BMP8B: variants seen among roughly 807,000 people sequenced by gnomAD.
BMP8B encodes the protein bone morphogenetic protein 8 (osteogenic protein 2).
Under a neutral mutation model 30.3 loss-of-function variants are expected in BMP8B, and 17 were observed. The observed-to-expected ratio is 0.56, with a 90% CI of 0.38 to 0.84. BMP8B has a LOEUF of 0.84. Ranked by LOEUF, BMP8B falls within the 40% of genes least tolerant of loss-of-function variation. The pLI is 0.00. For missense variants in BMP8B, 253 were observed against 494.6 expected (o/e 0.51, Z 4.63); for synonymous variants, 131 against 214.7 (o/e 0.61, Z 3.41).
In BMP8B at chr1:39,758,935, G is replaced by T. The variant is rs1648582186; in HGVS notation, c.*1484C>A. On this transcript the variant is annotated 3_prime_UTR_variant, in exon 7 of 7. Coordinates refer to ENST00000372827, the MANE Select transcript of BMP8B (RefSeq NM_001720.5). ...AGCTTTCCCCAGGCCCCTCCCTGGG[G>T]GTGCAGCACGTGAACTCCAGAGAGG... The T allele has an allele frequency of 1.3e-5, 2 of 152,276 alleles. No individual in the cohort carries two copies. Among genetic ancestry groups the T allele is most frequent in the Admixed American group, 6.5e-5 (1 of 15,294 alleles). 9.4% of individuals were successfully genotyped at this position (152,276 alleles called of 1,614,324 possible).
intron 1 of BMP8B, among the ~76,000 whole-genome samples, chr1:39,776,800 T>C (rs1650267399): frequency 6.6e-6 from 1 of 152,242 alleles, no homozygotes; most frequent in South Asian, 2.1e-4. Context: ...AGAAATAAAT[T>C]TATTCAGTTC....
intron 1 of BMP8B, among the ~76,000 whole-genome samples, chr1:39,776,163 G>C (rs1650215016): frequency 6.6e-6 from 1 of 152,244 alleles, no homozygotes; most frequent in Non-Finnish European, 1.5e-5. Context: ...GGTGAGGGTA[G>C]AGGCCAGGCT....
intron 1 of BMP8B, among the ~76,000 whole-genome samples, chr1:39,777,903 G>A (rs530539404): frequency 2.7e-4 from 41 of 152,246 alleles, no homozygotes; most frequent in Middle Eastern, 6.8e-3. Context: ...GGGTGGCCCC[G>A]TCCCTCTCAG....
intron 3 of BMP8B, chr1:39,769,713 C>T (rs1649813930): frequency 6.2e-7 from 1 of 1,609,286 alleles, no homozygotes; most frequent in Non-Finnish European, 8.5e-7. Context: ...CAGGGTGCCA[C>T]CTGCTGCATG....
rs528129366 is a variant in BMP8B, at chr1:39,777,582, C to G, written c.335-2544G>C. Reference sequence around the variant, plus strand: ...ATGCCAAACTCTGCGACCCTCAGCCCAACATCAACAAGGGCTCTGGCTATT... The same window carrying G: ...ATGCCAAACTCTGCGACCCTCAGCCGAACATCAACAAGGGCTCTGGCTATT... On this transcript the variant is annotated intron_variant, in intron 1 of 6. Transcript: ENST00000372827. Among the ~76,000 whole-genome samples, 106 of 152,354 alleles carry G rather than the reference C, an allele frequency of 7.0e-4. 1 individual carries two copies. Among genetic ancestry groups the G allele is most frequent in the African/African-American group, 2.5e-3 (103 of 41,582 alleles).
At chr1:39,770,808 C>T (rs1334229975) in intron 3 of BMP8B, 1 of 799,976 alleles carries the variant, frequency 1.3e-6, no homozygotes, top group Non-Finnish European at 1.8e-6. Context: ...GGCACCCCGG[C>T]GCCCCCCGCG....
intron 3 of BMP8B, among the ~76,000 whole-genome samples, chr1:39,768,510 C>T (rs1649748140): frequency 1.4e-5 from 2 of 147,144 alleles, no homozygotes; most frequent in South Asian, 4.5e-4. Flanking sequence ...GGGGAGGCTT[C>T]AGGGAAACAA....
intron 1 of BMP8B, among the ~76,000 whole-genome samples, chr1:39,786,543 CCTTGA>C (rs1650992695): frequency 6.6e-6 from 1 of 152,232 alleles, no homozygotes; most frequent in Non-Finnish European, 1.5e-5. Context: ...GCTGTGCATG[CCTTGA>C]CCCAGGGGAT....
chr1:39,779,267 C>CA (rs1650451779), intron 1 of BMP8B, among the ~76,000 whole-genome samples: 1 of 152,202 alleles, frequency 6.6e-6, no homozygotes, highest in Non-Finnish European at 1.5e-5. Context: ...GGCCCGCACA[C>CA]AGACAGGGAG....
At position 39,769,852 on chromosome 1, in the gene BMP8B, G is replaced by A. The variant is rs755882857; in HGVS notation, c.673+4456C>T. 14 of 1,612,032 alleles carry A rather than the reference G, an allele frequency of 8.7e-6. No individual in the cohort carries two copies. In the Admixed American group the frequency reaches 2.0e-4, roughly 23 times the overall value. ...TGTGCACGTCAAACACGGCCTTCTC[G>A]GTGATGATGCGGTCCACGCACCGCT... is the stretch of plus-strand genomic sequence containing the variant. On this transcript the variant is annotated intron_variant, in intron 3 of 6. Transcript: ENST00000372827.
At chr1:39,778,724 G>A (rs1017818487) in intron 1 of BMP8B, among the ~76,000 whole-genome samples, 8 of 152,210 alleles carry the variant, frequency 5.3e-5, no homozygotes, top group Non-Finnish European at 7.3e-5. Flanking sequence ...ATAGATCCCA[G>A]GAGATGTAAG....
rs1648745697 is a variant in BMP8B at position 39,760,197 on chromosome 1, T to C, written c.*222A>G. On this transcript the variant is annotated 3_prime_UTR_variant, in exon 7 of 7. Coordinates refer to ENST00000372827, the MANE Select transcript of BMP8B (RefSeq NM_001720.5). ...ATTTGGGTAGAACACTGCCTGATGATTGAGACCACCTGGGCTGGAAACAGG... is the reference window on the plus strand; with the variant it reads ...ATTTGGGTAGAACACTGCCTGATGACTGAGACCACCTGGGCTGGAAACAGG... 1 of 766,716 alleles carries C rather than the reference T, an allele frequency of 1.3e-6. No homozygotes were observed. The allele number at this position is 766,716 out of a possible 1,614,324, so 47.5% of individuals were successfully genotyped here.
At chr1:39,787,904 T>C (rs565862407) in intron 1 of BMP8B, among the ~76,000 whole-genome samples, 40 of 152,312 alleles carry the variant, frequency 2.6e-4, no homozygotes, top group Admixed American at 4.6e-4. Context: ...CTGGGTGTGT[T>C]TGGGGCAGGG....
intron 1 of BMP8B, among the ~76,000 whole-genome samples, chr1:39,781,334 A>C (rs972637249): frequency 2.6e-5 from 4 of 152,214 alleles, no homozygotes; most frequent in Non-Finnish European, 5.9e-5. Context: ...CCAGCAGTTA[A>C]AGGAAATCAC....
intron 1 of BMP8B, among the ~76,000 whole-genome samples, chr1:39,779,336 C>T (rs1650457177): frequency 6.6e-6 from 1 of 152,150 alleles, no homozygotes; most frequent in Non-Finnish European, 1.5e-5. Context: ...TCTTGGCACT[C>T]GCTGCCTCCT....
At chr1:39,784,026 G>A (rs1650823391) in intron 1 of BMP8B, among the ~76,000 whole-genome samples, 2 of 152,252 alleles carry the variant, frequency 1.3e-5, no homozygotes, top group Admixed American at 6.5e-5. Context: ...GCCCTGGGCT[G>A]TGTGGAGAGG....
In BMP8B at chr1:39,771,196, T is replaced by C. The variant is rs1649952754; in HGVS notation, c.673+3112A>G. 2.6e-6 allele frequency: 4 copies of C among 1,535,824 alleles called. No homozygotes were observed. In the East Asian group the frequency reaches 7.3e-5, roughly 28 times the overall value. On this transcript the variant is annotated intron_variant, in intron 3 of 6. Transcript: ENST00000372827. ...CGCAGCCCTGGGACAGCGCGAGCCCTGAGCCGCCGGCGGGGACCCCGCGCC... is the reference window on the plus strand; with the variant it reads ...CGCAGCCCTGGGACAGCGCGAGCCCCGAGCCGCCGGCGGGGACCCCGCGCC...
At chr1:39,764,124 C>T (rs1325509912) in intron 4 of BMP8B, among the ~76,000 whole-genome samples, 1 of 151,976 alleles carries the variant, frequency 6.6e-6, no homozygotes, top group Non-Finnish European at 1.5e-5. Context: ...TGACTCCAGC[C>T]CACCCTCTCC....
intron 3 of BMP8B, chr1:39,769,462 C>G: frequency 4.5e-6 from 2 of 448,814 alleles, no homozygotes; most frequent in Non-Finnish European, 7.6e-6. Context: ...AAGCGGACAT[C>G]CATTCCTCAC....
Sources: allele counts gnomAD v4.1 joint callset (sites outside exome capture counted in the v4.1 genomes callset), GRCh38; gene constraint gnomAD v4.1.1; transcripts MANE v1.5; gene names NCBI Gene and HGNC (gene_info 2026-07-23, HGNC 2026-07-21).